PTPN2: variants seen among roughly 807,000 people sequenced by gnomAD.
PTPN2 encodes the protein tyrosine-protein phosphatase non-receptor type 2.
PTPN2 carries 19 observed loss-of-function variants against 57.3 expected under a neutral mutation model. The observed-to-expected ratio is 0.33, with a 90% CI of 0.23 to 0.49. The LOEUF (loss-of-function observed/expected upper bound fraction) is 0.49, where lower values mean the gene tolerates loss of function less well. Among genes scored for constraint, PTPN2 ranks in the 20% least tolerant of loss-of-function variants. PTPN2 has a pLI of 0.99. For synonymous variants in PTPN2, 153 were observed against 164.9 expected (o/e 0.93, Z 0.55); for missense variants, 358 against 501.1 (o/e 0.71, Z 2.73).
At chr18:12,856,280 CA>C (rs1435055762) in intron 2 of PTPN2, among the ~76,000 whole-genome samples, 1 of 152,218 alleles carries the variant, frequency 6.6e-6, no homozygotes, top group Non-Finnish European at 1.5e-5. Flanking sequence ...TGGAAGAGAT[CA>C]TTTCCATTTG....
At chr18:12,825,318 C>T (rs553841530) in intron 5 of PTPN2, among the ~76,000 whole-genome samples, 3 of 152,142 alleles carry the variant, frequency 2.0e-5, no homozygotes, top group Admixed American at 6.5e-5. Flanking sequence ...CTATTCTTGG[C>T]AGTCACAGGT....
At chr18:12,799,459 A>T (rs114487778) in intron 8 of PTPN2, among the ~76,000 whole-genome samples, 1 of 152,054 alleles carries the variant, frequency 6.6e-6, no homozygotes, top group African/African-American at 2.4e-5. Context: ...AATTCTTTTG[A>T]TAAGACTTTT....
At chr18:12,876,315 A>AAGAAGAAAT (rs1555681239) in intron 1 of PTPN2, among the ~76,000 whole-genome samples, 9 of 151,078 alleles carry the variant, frequency 6.0e-5, no homozygotes, top group African/African-American at 2.2e-4. Context: ...GAAGAAGAAG[A>AAGAAGAAAT]AATTTGTCAG....
chr18:12,847,419 T>C (rs1417987916), intron 2 of PTPN2, among the ~76,000 whole-genome samples: 1 of 152,164 alleles, frequency 6.6e-6, no homozygotes, highest in African/African-American at 2.4e-5. Flanking sequence ...CTTTTTTCCA[T>C]GTAAAAGTTC....
intron 2 of PTPN2, among the ~76,000 whole-genome samples, chr18:12,854,365 A>AAG (rs772130695): frequency 7.0e-6 from 1 of 142,636 alleles, no homozygotes; most frequent in Non-Finnish European, 1.6e-5. Flanking sequence ...GTCTTGAAAA[A>AAG]AAAAAAAAAA....
At chr18:12,841,294 A>G (rs1229315347) in intron 2 of PTPN2, among the ~76,000 whole-genome samples, 5 of 152,248 alleles carry the variant, frequency 3.3e-5, no homozygotes, top group Admixed American at 6.5e-5. Context: ...AGACACATTA[A>G]GGGCGGACCC....
In PTPN2 at chr18:12,797,200, T is replaced by G. The variant is rs556997050; in HGVS notation, c.1041-2715A>C. ...GAGGGGGTTAGCCTCCCATGGGCCC[T>G]TTATTAGCTTTTGCCAGGAGCCTGG... On this transcript the variant is annotated intron_variant, in intron 8 of 8. Coordinates refer to ENST00000309660, the MANE Select transcript of PTPN2 (RefSeq NM_002828.4). Among the ~76,000 whole-genome samples the G allele has an allele frequency of 2.2e-4, 33 of 152,276 alleles. 1 individual carries two copies. The highest frequency in any genetic ancestry group is 7.9e-4 in the African/African-American group (33 of 41,566).
chr18:12,803,939 G>T (rs1273886288), intron 7 of PTPN2, among the ~76,000 whole-genome samples: 1 of 152,158 alleles, frequency 6.6e-6, no homozygotes, highest in Non-Finnish European at 1.5e-5. Context: ...TTTCTCATCA[G>T]CACATGGAAC....
chr18:12,866,417 G>A (rs1369362494), intron 1 of PTPN2, among the ~76,000 whole-genome samples: 1 of 151,566 alleles, frequency 6.6e-6, no homozygotes, highest in African/African-American at 2.4e-5. Context: ...CAGCCTAGGC[G>A]ACAGAGCCAG....
intron 3 of PTPN2, among the ~76,000 whole-genome samples, chr18:12,831,324 C>T (rs2042660647): frequency 6.6e-6 from 1 of 152,084 alleles, no homozygotes; most frequent in Admixed American, 6.6e-5. Context: ...GAGAGACAAA[C>T]TTGGGTAGGA....
intron 1 of PTPN2, among the ~76,000 whole-genome samples, chr18:12,859,680 G>A (rs1314418454): frequency 6.6e-6 from 1 of 152,162 alleles, no homozygotes; most frequent in Non-Finnish European, 1.5e-5. Flanking sequence ...TTCAAATTCT[G>A]ACTAAAACTC....
intron 1 of PTPN2, 97 bp downstream of exon 1, chr18:12,883,976 A>C (rs1358120854): frequency 4.5e-6 from 5 of 1,103,550 alleles, no homozygotes; most frequent in Non-Finnish European, 5.1e-6. Flanking sequence ...GAGAGGCTAG[A>C]GGCGAGAGGC....
chr18:12,828,323 T>C, intron 4 of PTPN2, among the ~76,000 whole-genome samples: 1 of 152,210 alleles, frequency 6.6e-6, no homozygotes, highest in East Asian at 1.9e-4. Flanking sequence ...TGTTGATGAA[T>C]ATTAAATAAT....
At chr18:12,819,851 T>G (rs551683947) in intron 5 of PTPN2, among the ~76,000 whole-genome samples, 1 of 152,162 alleles carries the variant, frequency 6.6e-6, no homozygotes, top group Non-Finnish European at 1.5e-5. Context: ...AAAGTCAAGT[T>G]TTCCTTTAAA....
chr18:12,864,690 G>A (rs559390205), intron 1 of PTPN2, among the ~76,000 whole-genome samples: 3 of 152,204 alleles, frequency 2.0e-5, no homozygotes, highest in South Asian at 2.1e-4. Flanking sequence ...AAGCCACCGC[G>A]CCTGGCCTGA....
In PTPN2 at chr18:12,869,648, C is replaced by T. The variant is rs73406772; in HGVS notation, c.70-10394G>A. 8.8e-3 allele frequency among the ~76,000 whole-genome samples: 1,340 copies of T among 152,132 alleles called. 27 individuals are homozygous for T. The highest frequency in any genetic ancestry group is 0.031 in the African/African-American group (1,297 of 41,494). On this transcript the variant is annotated intron_variant, in intron 1 of 8. Coordinates refer to ENST00000309660, the MANE Select transcript of PTPN2 (RefSeq NM_002828.4). ...GACCAAATTCTCCCTCGAACTGCTA[C>T]GATGTAGTAGCAAATAAGAACTTAG...
At chr18:12,844,198 T>C (rs1009611114) in intron 2 of PTPN2, among the ~76,000 whole-genome samples, 2 of 152,244 alleles carry the variant, frequency 1.3e-5, no homozygotes, top group African/African-American at 4.8e-5. Flanking sequence ...GACATGTGGG[T>C]TGTTTCGAAT....
chr18:12,808,886 G>C (rs147405649), intron 7 of PTPN2, among the ~76,000 whole-genome samples: 1 of 152,344 alleles, frequency 6.6e-6, no homozygotes, highest in Non-Finnish European at 1.5e-5. Flanking sequence ...GATTTTGCTT[G>C]AATCTTAATC....
intron 2 of PTPN2, among the ~76,000 whole-genome samples, chr18:12,840,388 T>A (rs2043003518): frequency 6.6e-6 from 1 of 152,246 alleles, no homozygotes; most frequent in Non-Finnish European, 1.5e-5. Flanking sequence ...CTCCCCCATA[T>A]TAATGGAGAA....
Sources: allele counts gnomAD v4.1 joint callset (sites outside exome capture counted in the v4.1 genomes callset), GRCh38; gene constraint gnomAD v4.1.1; transcripts MANE v1.5; gene names NCBI Gene and HGNC (gene_info 2026-07-23, HGNC 2026-07-21).